Variants in KIF3B observed in about 807,000 individuals in gnomAD.
The protein encoded by KIF3B is kinesin-like protein KIF3B.
KIF3B carries 38 observed loss-of-function variants against 74.3 expected under a neutral mutation model. That is an observed-to-expected ratio of 0.51 (90% CI 0.39 to 0.67). KIF3B has a LOEUF of 0.67. Ranked by LOEUF, KIF3B falls within the 30% of genes least tolerant of loss-of-function variation. The pLI, the probability that KIF3B is intolerant of heterozygous loss-of-function variation, is 0.00. For missense variants in KIF3B, 649 were observed against 932.0 expected (o/e 0.70, Z 3.95); for synonymous variants, 326 against 342.5 (o/e 0.95, Z 0.53).
intron 1 of KIF3B, among the ~76,000 whole-genome samples, chr20:32,287,922 G>A (rs531699372): frequency 2.7e-5 from 3 of 113,136 alleles, no homozygotes; most frequent in African/African-American, 3.5e-5. Context: ...TCACTCTGTC[G>A]CCTAGGCTGG....
chr20:32,281,140 T>C (rs1170255174), intron 1 of KIF3B, among the ~76,000 whole-genome samples: 1 of 152,192 alleles, frequency 6.6e-6, no homozygotes, highest in African/African-American at 2.4e-5. Context: ...CCTAATGGCT[T>C]ACAAAAATGC....
At position 32,316,322 on chromosome 20, in the gene KIF3B, A is replaced by G; in HGVS notation, c.1506+3A>G. On this transcript the variant is annotated splice_donor_region_variant and intron_variant, in intron 3 of 8. Transcript: ENST00000375712. ...AACGACAGGAAATTGCAGAGCAGGTAACTTTTCATTCTTTTTCAGGGAGAA... is the reference window on the plus strand; with the variant it reads ...AACGACAGGAAATTGCAGAGCAGGTGACTTTTCATTCTTTTTCAGGGAGAA... The G allele has an allele frequency of 1.9e-6, 3 of 1,605,540 alleles. No individual in the cohort carries two copies. Among genetic ancestry groups the G allele is most frequent in the Non-Finnish European group, 2.6e-6 (3 of 1,172,180 alleles).
rs1569200567 is a variant in KIF3B, at chr20:32,310,256, A to G, written c.479A>G (p.Gln160Arg). Residue 160 changes from glutamine (Q) to arginine (R), a missense_variant, in exon 2 of 9, where the codon CAG (glutamine) becomes CGG (arginine). Around this residue, in one of 4 missense-constraint regions of KIF3B, gnomAD observed 363 missense variants for 592.8 expected, o/e 0.61. Transcript: ENST00000375712. This position sits in a 1 kb window ranked among gnomAD's most constrained non-coding sequence, Gnocchi z 6.5. ...ATCCGAGATTTGCTCTCAAAGGATC[A>G]GACCAAAAGGCTTGAGCTCAAAGAG... is the stretch of plus-strand genomic sequence containing the variant. ...EEIRDLLSKDQTKRLELKERP... is the reference protein window; with the variant it reads ...EEIRDLLSKDRTKRLELKERP... 1.2e-6 allele frequency: 2 copies of G among 1,613,992 alleles called. No homozygotes were observed. Among genetic ancestry groups the G allele is most frequent in the Admixed American group, 3.3e-5 (2 of 60,024 alleles).
chr20:32,305,461 C>G (rs893892856), intron 1 of KIF3B, among the ~76,000 whole-genome samples: 1 of 152,132 alleles, frequency 6.6e-6, no homozygotes, highest in Non-Finnish European at 1.5e-5. Context: ...TACCTACCCC[C>G]ACCCAAAGGA....
intron 1 of KIF3B, among the ~76,000 whole-genome samples, chr20:32,279,551 C>T (rs1044458995): frequency 2.0e-5 from 3 of 151,718 alleles, no homozygotes; most frequent in African/African-American, 7.3e-5. Context: ...CTGCAACCTC[C>T]GCCTCCCTGG....
intron 1 of KIF3B, among the ~76,000 whole-genome samples, chr20:32,279,693 G>A (rs193029989): frequency 2.0e-3 from 303 of 152,226 alleles, no homozygotes; most frequent in African/African-American, 6.8e-3. Flanking sequence ...TCAAACTCCC[G>A]ACCTCAGGTG....
At chr20:32,330,592 G>A (rs957005954) in intron 8 of KIF3B, among the ~76,000 whole-genome samples, 1 of 152,178 alleles carries the variant, frequency 6.6e-6, no homozygotes, top group Non-Finnish European at 1.5e-5. Flanking sequence ...TTCTCATGAG[G>A]TGTCCGGTAG....
chr20:32,286,612 T>C (rs2047668412), intron 1 of KIF3B, among the ~76,000 whole-genome samples: 1 of 152,110 alleles, frequency 6.6e-6, no homozygotes, highest in African/African-American at 2.4e-5. Flanking sequence ...TTCCATTGAG[T>C]AAAAAAATGA....
At chr20:32,282,547 C>CA (rs528700634) in intron 1 of KIF3B, among the ~76,000 whole-genome samples, 21 of 148,388 alleles carry the variant, frequency 1.4e-4, no homozygotes, top group African/African-American at 2.7e-4. Flanking sequence ...TACTGTGAAC[C>CA]AAAAAAAAAA....
chr20:32,316,698 G>C (rs1315211190), intron 4 of KIF3B, 49 bp downstream of exon 4: 1 of 1,613,892 alleles, frequency 6.2e-7, no homozygotes, highest in East Asian at 2.2e-5. Flanking sequence ...CTTGGGGAAA[G>C]GGAGAACTCT....
chr20:32,301,317 G>C (rs772025411), intron 1 of KIF3B, among the ~76,000 whole-genome samples: 1 of 150,878 alleles, frequency 6.6e-6, no homozygotes, highest in Admixed American at 6.6e-5. Context: ...CGCCCGCCTC[G>C]GCCTCCCAAA....
intron 1 of KIF3B, among the ~76,000 whole-genome samples, chr20:32,292,537 A>AAACACCT (rs1225273972): frequency 5.5e-5 from 8 of 144,398 alleles, no homozygotes; most frequent in Non-Finnish European, 1.2e-4. Flanking sequence ...CAGGTGTTTG[A>AAACACCT]GACCAGCCTG....
chr20:32,312,219 C>T (rs6141669), intron 2 of KIF3B, among the ~76,000 whole-genome samples: 1 of 151,970 alleles, frequency 6.6e-6, no homozygotes, highest in Non-Finnish European at 1.5e-5. Context: ...ATCCTCCCAC[C>T]TCAGCCTCCC....
At chr20:32,292,603 A>G (rs1302230572) in intron 1 of KIF3B, among the ~76,000 whole-genome samples, 2 of 150,762 alleles carry the variant, frequency 1.3e-5, no homozygotes, top group Non-Finnish European at 3.0e-5. Context: ...AAAAAAAAAA[A>G]AAAGAAAAGT....
At chr20:32,296,259 C>A (rs529346163) in intron 1 of KIF3B, among the ~76,000 whole-genome samples, 5 of 152,022 alleles carry the variant, frequency 3.3e-5, no homozygotes, top group Non-Finnish European at 5.9e-5. Context: ...TTTCACAAAG[C>A]CTTTCCATCT....
intron 1 of KIF3B, among the ~76,000 whole-genome samples, chr20:32,287,678 A>G (rs2047673409): frequency 1.3e-5 from 2 of 152,118 alleles, no homozygotes; most frequent in Admixed American, 6.6e-5. Flanking sequence ...TAACTACTAC[A>G]CTTTCCCTGG....
intron 1 of KIF3B, among the ~76,000 whole-genome samples, chr20:32,305,354 A>G (rs1229349072): frequency 6.6e-6 from 1 of 151,816 alleles, no homozygotes; most frequent in Non-Finnish European, 1.5e-5. Context: ...ACAAAGCGAG[A>G]CTGTCTTTTA....
chr20:32,299,414 T>A (rs1407072111), intron 1 of KIF3B, among the ~76,000 whole-genome samples: 1 of 106,114 alleles, frequency 9.4e-6, no homozygotes, highest in Non-Finnish European at 1.9e-5. Context: ...TTTTTTTTTT[T>A]TTTTTTTTTT....
chr20:32,312,734 G>T (rs928623496), intron 2 of KIF3B, among the ~76,000 whole-genome samples: 5 of 152,134 alleles, frequency 3.3e-5, no homozygotes, highest in African/African-American at 1.2e-4. Context: ...AGTTTCTGCT[G>T]TGAATGCTCT....
Sources: gnomAD v4.1 joint callset for allele counts (sites outside exome capture counted in the v4.1 genomes callset) on GRCh38, gnomAD v4.1.1 for gene constraint, gnomAD v4.1.1 regional missense constraint, Gnocchi (gnomAD v3.1) non-coding constraint, MANE v1.5 for transcripts, NCBI Gene and HGNC (gene_info 2026-07-23, HGNC 2026-07-21) for gene names.